Variants in SMAP1 observed in about 807,000 individuals in gnomAD.
SMAP1 encodes the protein small ArfGAP 1, also known as stromal membrane-associated protein 1.
A neutral mutation model predicts 58.5 loss-of-function variants in SMAP1; 24 were observed. The observed-to-expected ratio is 0.41, with a 90% CI of 0.30 to 0.58. The LOEUF is 0.58. Among genes scored for constraint, SMAP1 ranks in the 20% least tolerant of loss-of-function variants. The probability of loss-of-function intolerance (pLI) is 0.29; values close to 1 mark genes in which losing one functional copy is unlikely to be tolerated. For synonymous variants in SMAP1, 216 were observed against 196.6 expected (o/e 1.10, Z -0.82); for missense variants, 563 against 566.3 (o/e 0.99, Z 0.06).
chr6:70,688,959 A>C (rs1767044293), intron 1 of SMAP1, among the ~76,000 whole-genome samples: 1 of 152,112 alleles, frequency 6.6e-6, no homozygotes, highest in South Asian at 2.1e-4. Context: ...TATATGATAC[A>C]AGGTATGGAT....
At chr6:70,850,567 ATATAAT>A (rs964245303) in intron 7 of SMAP1, among the ~76,000 whole-genome samples, 35 of 151,256 alleles carry the variant, frequency 2.3e-4, no homozygotes, top group Admixed American at 1.7e-3. Context: ...CATTTTATAT[ATATAAT>A]TATATTTGCA....
At chr6:70,772,267 C>G (rs1767360046) in intron 3 of SMAP1, among the ~76,000 whole-genome samples, 1 of 152,166 alleles carries the variant, frequency 6.6e-6, no homozygotes, top group South Asian at 2.1e-4. Context: ...TCATCCCTTT[C>G]TATTACCTGT....
intron 4 of SMAP1, among the ~76,000 whole-genome samples, chr6:70,787,243 C>G (rs1339874821): frequency 2.6e-5 from 4 of 152,130 alleles, no homozygotes; most frequent in African/African-American, 9.7e-5. Flanking sequence ...ACTGGCTAGC[C>G]ATATGTAGAA....
At position 70,725,037 on chromosome 6, in the gene SMAP1, T is replaced by C. The variant is rs141095822; in HGVS notation, c.119-7341T>C. Among the ~76,000 whole-genome samples, 95 of 150,312 alleles carry C rather than the reference T, an allele frequency of 6.3e-4. No homozygotes were observed. In the East Asian group the frequency reaches 0.018, roughly 29 times the overall value. On this transcript the variant is annotated intron_variant, in intron 1 of 10. Coordinates refer to ENST00000370455, the MANE Select transcript of SMAP1 (RefSeq NM_001044305.3). ...ATATGGTAGTGTCTGAGTCAGTGGC[T>C]TCTTAGCTGGCATTTCTGTGTATTT...
chr6:70,782,613 T>C (rs939207234), intron 4 of SMAP1, among the ~76,000 whole-genome samples: 1 of 152,236 alleles, frequency 6.6e-6, no homozygotes, highest in South Asian at 2.1e-4. Context: ...GAACTTGAAT[T>C]GGCTCTCCTT....
At chr6:70,765,339 AAAGTT>A (rs1268568709) in intron 3 of SMAP1, among the ~76,000 whole-genome samples, 2 of 152,226 alleles carry the variant, frequency 1.3e-5, no homozygotes, top group Non-Finnish European at 2.9e-5. Context: ...GATGTAAACA[AAAGTT>A]AAGTTCCTAT....
chr6:70,770,482 G>T (rs189314806), intron 3 of SMAP1, among the ~76,000 whole-genome samples: 1,687 of 151,972 alleles, frequency 0.011, 11 homozygotes, highest in Non-Finnish European at 0.017. Flanking sequence ...TTCCCTTCTC[G>T]CTTCATTTCA....
intron 4 of SMAP1, 37 bp from the exon 5 acceptor site, chr6:70,791,648 TTTTG>T (rs1433645775): frequency 6.5e-7 from 1 of 1,537,198 alleles, no homozygotes; most frequent in Non-Finnish European, 8.9e-7. Context: ...ATTACCTTCT[TTTTG>T]TTTTTTTCCT....
At chr6:70,702,523 A>G (rs1767674772) in intron 1 of SMAP1, among the ~76,000 whole-genome samples, 1 of 152,112 alleles carries the variant, frequency 6.6e-6, no homozygotes, top group Non-Finnish European at 1.5e-5. Flanking sequence ...CCCAGTCATT[A>G]TAGTTTGCAT....
Position 70,773,374 on chromosome 6 carries a change from T to A in SMAP1, c.363T>A (p.Asp121Glu). ...TDQAVEFFIR[D>E]KYEKKKYYDK... Reference sequence around the variant, plus strand: ...GAGCAGTGGAATTTTTCATCAGAGATAAATATGAAAAGAAGAAATACTACG... The same window carrying A: ...GAGCAGTGGAATTTTTCATCAGAGAAAAATATGAAAAGAAGAAATACTACG... Residue 121 changes from aspartate (D) to glutamate (E), a missense_variant, in exon 4 of 11, where the codon GAT becomes GAA. Physicochemically the swap from Asp to Glu is conservative, Grantham distance 45. Coordinates refer to ENST00000370455, the MANE Select transcript of SMAP1 (RefSeq NM_001044305.3). 1 of 1,575,112 alleles carries A rather than the reference T, an allele frequency of 6.3e-7. No homozygotes were observed.
At chr6:70,802,972 T>G (rs1376774779) in intron 6 of SMAP1, among the ~76,000 whole-genome samples, 2 of 152,220 alleles carry the variant, frequency 1.3e-5, no homozygotes, top group Admixed American at 6.5e-5. Context: ...ATTCTCTTTT[T>G]TTGTTGTGTC....
At chr6:70,748,893 T>TAC (rs1179949256) in intron 2 of SMAP1, among the ~76,000 whole-genome samples, 4 of 152,114 alleles carry the variant, frequency 2.6e-5, no homozygotes, top group Non-Finnish European at 4.4e-5. Flanking sequence ...TATATATATA[T>TAC]ACACAGACTT....
chr6:70,772,446 G>A (rs369441591), intron 3 of SMAP1, among the ~76,000 whole-genome samples: 30 of 152,162 alleles, frequency 2.0e-4, no homozygotes, highest in African/African-American at 5.3e-4. Flanking sequence ...GTTTTTTTCT[G>A]TAATTATGTG....
rs1465659651 is a variant in SMAP1 at position 70,861,314 on chromosome 6, A to G, written c.*980A>G. ...TTTAAAAACCTGTTCAAGTCTACCA[A>G]CCTGTTCAAGTCTACCAATTATAAG... On this transcript the variant is annotated 3_prime_UTR_variant, in exon 11 of 11. Coordinates refer to ENST00000370455, the MANE Select transcript of SMAP1 (RefSeq NM_001044305.3). The G allele has an allele frequency of 1.4e-5, 3 of 208,178 alleles. No individual in the cohort carries two copies. Among genetic ancestry groups the G allele is most frequent in the East Asian group, 2.1e-4 (2 of 9,380 alleles). 12.9% of individuals were successfully genotyped at this position (208,178 alleles called of 1,614,324 possible).
Position 70,852,446 on chromosome 6 carries a change from T to A in SMAP1, c.665-94T>A, listed in dbSNP as rs562281427. The A allele has an allele frequency of 4.2e-5, 52 of 1,239,580 alleles. No individual in the cohort carries two copies. The South Asian group carries it at 1.1e-3, about 26-fold the overall frequency. The allele number at this position is 1,239,580 out of a possible 1,614,324, so 76.8% of individuals were successfully genotyped here. Reference sequence around the variant, plus strand: ...GTTTTACCAACTTTTGAACTGTTCTTTTTTTTTAACCATATATCAATTTTT... The same window carrying A: ...GTTTTACCAACTTTTGAACTGTTCTATTTTTTTAACCATATATCAATTTTT... On this transcript the variant is annotated intron_variant, in intron 7 of 10. Coordinates refer to ENST00000370455, the MANE Select transcript of SMAP1 (RefSeq NM_001044305.3).
chr6:70,771,879 A>G lies in SMAP1; in HGVS notation c.339-1471A>G, dbSNP rs1056785694. 5.9e-5 allele frequency among the ~76,000 whole-genome samples: 9 copies of G among 152,172 alleles called. No homozygotes were observed. In the East Asian group the frequency reaches 1.5e-3, roughly 26 times the overall value. On this transcript the variant is annotated intron_variant, in intron 3 of 10. Coordinates refer to ENST00000370455, the MANE Select transcript of SMAP1 (RefSeq NM_001044305.3). ...GGAGCTGTAGACCGGAGCTGTTCCT[A>G]TTTGGCCATCTTGGCTCCAAATAAC... is the stretch of plus-strand genomic sequence containing the variant.
chr6:70,827,038 G>A (rs1249562084), intron 6 of SMAP1, among the ~76,000 whole-genome samples: 10 of 151,630 alleles, frequency 6.6e-5, no homozygotes, highest in Admixed American at 3.3e-4. Flanking sequence ...TTAAATATGC[G>A]TCTGGTCAAG....
chr6:70,716,225 C>G (rs999608298), intron 1 of SMAP1, among the ~76,000 whole-genome samples: 3 of 152,162 alleles, frequency 2.0e-5, no homozygotes, highest in Non-Finnish European at 2.9e-5. Flanking sequence ...TATATACTCA[C>G]CATAATGTAA....
At chr6:70,774,885 T>C (rs1409380255) in intron 4 of SMAP1, among the ~76,000 whole-genome samples, 1 of 151,922 alleles carries the variant, frequency 6.6e-6, no homozygotes, top group African/African-American at 2.4e-5. Flanking sequence ...CAGTGGTGCA[T>C]GCCTGTAATC....
Sources: gnomAD v4.1 joint callset for allele counts (sites outside exome capture counted in the v4.1 genomes callset) on GRCh38, gnomAD v4.1.1 for gene constraint, MANE v1.5 for transcripts, NCBI Gene and HGNC (gene_info 2026-07-23, HGNC 2026-07-21) for gene names.